The following MIR2052HG variants were observed in gnomAD, a reference collection of about 807,000 sequenced individuals.
MIR2052HG encodes MIR2052 host gene.
intron 2 of MIR2052HG, among the ~76,000 whole-genome samples, chr8:74,667,748 G>C (rs965058890): frequency 1.3e-5 from 2 of 152,034 alleles, no homozygotes; most frequent in African/African-American, 4.8e-5. Flanking sequence ...TTTAACCACC[G>C]CAGCACTCCA....
chr8:74,637,548 T>C (rs1221348528), intron 2 of MIR2052HG, among the ~76,000 whole-genome samples: 2 of 152,196 alleles, frequency 1.3e-5, no homozygotes, highest in Non-Finnish European at 2.9e-5. Context: ...TTAAGCCATG[T>C]TTTAACTTTA....
intron 4 of MIR2052HG, among the ~76,000 whole-genome samples, chr8:74,737,595 A>G (rs745803045): frequency 6.6e-6 from 1 of 152,158 alleles, no homozygotes; most frequent in Non-Finnish European, 1.5e-5. Flanking sequence ...CAATTCTGAT[A>G]TCTTGTCACA....
chr8:74,655,410 T>C lies in MIR2052HG; in HGVS notation n.216+42470T>C, dbSNP rs1445541736. On this transcript the variant is annotated intron_variant and non_coding_transcript_variant, in intron 2 of 6. Transcript: ENST00000523442. ...GGAGGTAAAAATGGTTTTGGGGACC[T>C]GGCCCAGGGTCCCCATGCTGTGTGC... is the stretch of plus-strand genomic sequence containing the variant. Among the ~76,000 whole-genome samples the C allele has an allele frequency of 2.0e-5, 3 of 152,280 alleles. No individual in the cohort carries two copies. In the East Asian group the frequency reaches 5.8e-4, roughly 30 times the overall value.
chr8:74,691,717 T>C (rs1809241434), intron 2 of MIR2052HG, among the ~76,000 whole-genome samples: 1 of 152,234 alleles, frequency 6.6e-6, no homozygotes, highest in African/African-American at 2.4e-5. Flanking sequence ...ATTTTAGTTT[T>C]AGAAAGTTAT....
At chr8:74,684,629 C>A (rs1809160759) in intron 2 of MIR2052HG, among the ~76,000 whole-genome samples, 1 of 152,016 alleles carries the variant, frequency 6.6e-6, no homozygotes, top group Non-Finnish European at 1.5e-5. Flanking sequence ...CAAAAAGAAG[C>A]ACTTAGAGTA....
In MIR2052HG at chr8:74,660,700, A is replaced by G. The variant is rs146148653; in HGVS notation, n.217-41679A>G. ...TCTAATCTGTCTGGATTTTGAGAAA[A>G]CAACAACATCATCAATTACATGAGC... On this transcript the variant is annotated intron_variant and non_coding_transcript_variant, in intron 2 of 6. Coordinates refer to ENST00000523442, the Ensembl canonical transcript of MIR2052HG. Among the ~76,000 whole-genome samples, 850 of 152,326 alleles carry G rather than the reference A, an allele frequency of 5.6e-3. 5 individuals are homozygous for G. Among genetic ancestry groups the G allele is most frequent in the African/African-American group, 0.016 (658 of 41,572 alleles).
chr8:74,724,457 G>T (rs895902771), intron 4 of MIR2052HG, among the ~76,000 whole-genome samples: 3 of 152,084 alleles, frequency 2.0e-5, no homozygotes, highest in Non-Finnish European at 4.4e-5. Flanking sequence ...TTAAATGAGA[G>T]AAATTAGGCA....
chr8:74,722,015 A>C (rs1809582524), intron 4 of MIR2052HG, among the ~76,000 whole-genome samples: 1 of 152,194 alleles, frequency 6.6e-6, no homozygotes, highest in Admixed American at 6.5e-5. Flanking sequence ...CAACATAGCA[A>C]GACCCGTTTC....
chr8:74,673,263 A>T (rs1333460226), intron 2 of MIR2052HG, among the ~76,000 whole-genome samples: 1 of 151,948 alleles, frequency 6.6e-6, no homozygotes, highest in South Asian at 2.1e-4. Context: ...AATCTATGGA[A>T]CCCCAGTTCT....
intron 3 of MIR2052HG, among the ~76,000 whole-genome samples, chr8:74,702,936 C>T (rs1481529113): frequency 6.6e-6 from 1 of 152,044 alleles, no homozygotes; most frequent in African/African-American, 2.4e-5. Flanking sequence ...ATATCCTCTT[C>T]ACCAAGGCCT....
intron 2 of MIR2052HG, among the ~76,000 whole-genome samples, chr8:74,617,301 G>T (rs951660971): frequency 6.6e-6 from 1 of 151,952 alleles, no homozygotes; most frequent in African/African-American, 2.4e-5. Context: ...GTCCATGTGT[G>T]CCCATCATTT....
chr8:74,732,931 T>C (rs1809707546), intron 4 of MIR2052HG, among the ~76,000 whole-genome samples: 1 of 152,144 alleles, frequency 6.6e-6, no homozygotes, highest in Non-Finnish European at 1.5e-5. Context: ...TCTAAATATG[T>C]TGGGAAGCCC....
At chr8:74,734,393 T>C (rs530775645) in intron 4 of MIR2052HG, among the ~76,000 whole-genome samples, 1 of 152,352 alleles carries the variant, frequency 6.6e-6, no homozygotes, top group East Asian at 1.9e-4. Flanking sequence ...TCAAATGAGT[T>C]TGTAATCCCA....
At chr8:74,658,728 G>C (rs1022454249) in intron 2 of MIR2052HG, among the ~76,000 whole-genome samples, 1 of 152,174 alleles carries the variant, frequency 6.6e-6, no homozygotes, top group African/African-American at 2.4e-5. Context: ...CTGACACACA[G>C]TAGGTGCTCA....
At chr8:74,624,592 A>G (rs1808410217) in intron 2 of MIR2052HG, among the ~76,000 whole-genome samples, 1 of 152,214 alleles carries the variant, frequency 6.6e-6, no homozygotes, top group South Asian at 2.1e-4. Flanking sequence ...CATACTTGCC[A>G]TGTATTGAAA....
intron 2 of MIR2052HG, among the ~76,000 whole-genome samples, chr8:74,666,850 G>A (rs778810509): frequency 2.9e-4 from 44 of 152,106 alleles, no homozygotes; most frequent in Non-Finnish European, 4.7e-4. Flanking sequence ...CGTGTCTGCT[G>A]GGCTCTGCAG....
At chr8:74,714,731 A>C (rs1586921565) in intron 4 of MIR2052HG, among the ~76,000 whole-genome samples, 1 of 138,248 alleles carries the variant, frequency 7.2e-6, no homozygotes, top group Non-Finnish European at 1.5e-5. Flanking sequence ...TTTTTGAGAC[A>C]GAGTCTCACT....
intron 2 of MIR2052HG, among the ~76,000 whole-genome samples, chr8:74,674,598 C>A (rs1809031427): frequency 6.6e-6 from 1 of 151,972 alleles, no homozygotes. Context: ...CTTTACTCTT[C>A]CCTACTTTCT....
rs1808883642 is a variant in MIR2052HG at position 74,663,042 on chromosome 8, T to C, written n.217-39337T>C. ...AACACAAAATTGCATCTTATTTTAA[T>C]CTTGAATTAATAAATAAACTATAAA... On this transcript the variant is annotated intron_variant and non_coding_transcript_variant, in intron 2 of 6. Transcript: ENST00000523442. Among the ~76,000 whole-genome samples, 6 of 152,194 alleles carry C rather than the reference T, an allele frequency of 3.9e-5. 1 individual carries two copies. The highest frequency in any genetic ancestry group is 2.6e-4 in the Admixed American group (4 of 15,276).
Sources: gnomAD v4.1 joint callset for allele counts (sites outside exome capture counted in the v4.1 genomes callset) on GRCh38, gnomAD v4.1.1 for gene constraint, MANE v1.5 for transcripts, NCBI Gene and HGNC (gene_info 2026-07-23, HGNC 2026-07-21) for gene names.